The following CHRM3 variants were observed in gnomAD, a reference collection of about 807,000 sequenced individuals.
The protein encoded by CHRM3 is muscarinic acetylcholine receptor M3.
CHRM3 carries 11 observed loss-of-function variants against 41.8 expected under a neutral mutation model. The observed-to-expected ratio is 0.26, with a 90% CI of 0.17 to 0.44. The LOEUF is 0.44. Ranked by LOEUF, CHRM3 falls within the 20% of genes least tolerant of loss-of-function variation. The pLI is 1.00. For synonymous variants in CHRM3, 297 were observed against 301.4 expected, an observed-to-expected ratio of 0.99 and a Z score of 0.15; for missense variants, 571 against 745.4, an observed-to-expected ratio of 0.77 and a Z score of 2.72.
At chr1:239,590,708 A>C (rs1664033881) in intron 3 of CHRM3, among the ~76,000 whole-genome samples, 1 of 152,190 alleles carries the variant, frequency 6.6e-6, no homozygotes. Context: ...GATAGAAAAC[A>C]TCTGATTGGT....
At chr1:239,395,334 G>A (rs932052059) in intron 1 of CHRM3, among the ~76,000 whole-genome samples, 3 of 152,104 alleles carry the variant, frequency 2.0e-5, no homozygotes, top group Non-Finnish European at 4.4e-5. Flanking sequence ...GTGCTTGCTG[G>A]ATAGCACAGC....
At chr1:239,875,622 G>A (rs1677050057) in intron 6 of CHRM3, among the ~76,000 whole-genome samples, 1 of 152,154 alleles carries the variant, frequency 6.6e-6, no homozygotes, top group African/African-American at 2.4e-5. Flanking sequence ...AGACCTAACT[G>A]AACTGGGTCT....
chr1:239,577,402 G>T (rs1023543262), intron 3 of CHRM3, among the ~76,000 whole-genome samples: 3 of 152,150 alleles, frequency 2.0e-5, no homozygotes, highest in African/African-American at 7.2e-5. Context: ...GGGACAATAA[G>T]ATGTTCATTG....
intron 1 of CHRM3, among the ~76,000 whole-genome samples, chr1:239,424,091 A>G (rs1226133451): frequency 1.3e-5 from 2 of 151,494 alleles, no homozygotes; most frequent in African/African-American, 4.9e-5. Context: ...AAGTCAAGCC[A>G]AATGCCTCTT....
At chr1:239,793,462 A>G (rs193283861) in intron 5 of CHRM3, among the ~76,000 whole-genome samples, 180 of 152,332 alleles carry the variant, frequency 1.2e-3, no homozygotes, top group African/African-American at 3.9e-3. Context: ...TGTCAGCATT[A>G]GGGACTTTTT....
At chr1:239,764,525 G>A (rs1184308184) in intron 5 of CHRM3, among the ~76,000 whole-genome samples, 1 of 152,198 alleles carries the variant, frequency 6.6e-6, no homozygotes, top group Non-Finnish European at 1.5e-5. Context: ...GTATGGGCAA[G>A]GGGGTGAAGT....
chr1:239,857,616 T>C (rs916345331), intron 6 of CHRM3, among the ~76,000 whole-genome samples: 7 of 152,200 alleles, frequency 4.6e-5, no homozygotes, highest in African/African-American at 1.7e-4. Flanking sequence ...TTGTTTTTGT[T>C]GAAATGGTTG....
chr1:239,497,180 A>T (rs1415164288), intron 2 of CHRM3, among the ~76,000 whole-genome samples: 1 of 152,130 alleles, frequency 6.6e-6, no homozygotes, highest in African/African-American at 2.4e-5. Flanking sequence ...TGGGTTAGGC[A>T]CCCCACATCC....
chr1:239,393,605 C>T (rs1248232965), intron 1 of CHRM3, among the ~76,000 whole-genome samples: 2 of 152,186 alleles, frequency 1.3e-5, no homozygotes, highest in African/African-American at 4.8e-5. Flanking sequence ...CAAGGACCAG[C>T]CAAACTCTTC....
At chr1:239,779,561 G>A (rs1250346418) in intron 5 of CHRM3, among the ~76,000 whole-genome samples, 3 of 152,082 alleles carry the variant, frequency 2.0e-5, no homozygotes, top group Admixed American at 6.6e-5. Context: ...TGGCAAAACC[G>A]CGTCTCTACT....
intron 4 of CHRM3, among the ~76,000 whole-genome samples, chr1:239,640,036 C>G (rs1670931830): frequency 6.6e-6 from 1 of 151,942 alleles, no homozygotes; most frequent in Non-Finnish European, 1.5e-5. Flanking sequence ...TGGTTTTTGT[C>G]TTTGGTTTCT....
intron 3 of CHRM3, among the ~76,000 whole-genome samples, chr1:239,573,524 GA>G (rs1300890108): frequency 2.6e-5 from 4 of 151,984 alleles, no homozygotes; most frequent in Non-Finnish European, 2.9e-5. Context: ...ATTAGAATAA[GA>G]AAAAAGTTCT....
chr1:239,615,182 T>G (rs998752264), intron 3 of CHRM3, among the ~76,000 whole-genome samples: 1 of 152,228 alleles, frequency 6.6e-6, no homozygotes, highest in African/African-American at 2.4e-5. Flanking sequence ...TCCTGGACAC[T>G]TTCTATGTCC....
chr1:239,448,949 G>T (rs962518882), intron 1 of CHRM3, among the ~76,000 whole-genome samples: 6 of 152,106 alleles, frequency 3.9e-5, no homozygotes, highest in Admixed American at 3.9e-4. Context: ...AAAATCTTTA[G>T]TATCAAAAAG....
At chr1:239,558,216 T>A (rs1660546208) in intron 3 of CHRM3, among the ~76,000 whole-genome samples, 1 of 152,358 alleles carries the variant, frequency 6.6e-6, no homozygotes, top group East Asian at 1.9e-4. Context: ...GGTTTTGATT[T>A]GCATTTCTCT....
chr1:239,636,119 TC>T (rs1374716935), intron 4 of CHRM3, among the ~76,000 whole-genome samples: 1 of 152,166 alleles, frequency 6.6e-6, no homozygotes, highest in Admixed American at 6.5e-5. Context: ...AGGGCTCCGT[TC>T]TTTGGATCTT....
At chr1:239,574,111 T>A (rs1342978581) in intron 3 of CHRM3, among the ~76,000 whole-genome samples, 3 of 152,164 alleles carry the variant, frequency 2.0e-5, no homozygotes, top group African/African-American at 7.2e-5. Context: ...CAGATAGTTT[T>A]TGGTTAAGGG....
intron 1 of CHRM3, among the ~76,000 whole-genome samples, chr1:239,479,190 C>CCACATACACACACACA (rs71567247): frequency 2.3e-4 from 32 of 139,988 alleles, no homozygotes; most frequent in African/African-American, 8.4e-4. Flanking sequence ...TTTCAAAAAA[C>CCACATACACACACACA]CACACACACA....
intron 1 of CHRM3, among the ~76,000 whole-genome samples, chr1:239,451,350 C>T (rs912981936): frequency 6.6e-5 from 10 of 152,262 alleles, no homozygotes; most frequent in South Asian, 2.1e-4. Flanking sequence ...CAATACCAAG[C>T]GTTATTGCCA....
Sources: allele counts gnomAD v4.1 joint callset (sites outside exome capture counted in the v4.1 genomes callset), GRCh38; gene constraint gnomAD v4.1.1; transcripts MANE v1.5; gene names NCBI Gene and HGNC (gene_info 2026-07-23, HGNC 2026-07-21).